ADAMTS3: variants seen among roughly 807,000 people sequenced by gnomAD.
The protein encoded by ADAMTS3 is ADAM metallopeptidase with thrombospondin type 1 motif 3, also known as A disintegrin and metalloproteinase with thrombospondin motifs 3.
A neutral mutation model predicts 129.0 loss-of-function variants in ADAMTS3; 73 were observed. The observed-to-expected ratio is 0.57, with a 90% CI of 0.47 to 0.69. The LOEUF is 0.69. ADAMTS3 is among the 30% of genes least tolerant of loss of function. ADAMTS3 has a pLI of 0.00. For missense variants in ADAMTS3, 1,457 were observed against 1,514.5 expected (o/e 0.96, Z 0.63); for synonymous variants, 477 against 510.8 (o/e 0.93, Z 0.89).
intron 2 of ADAMTS3, among the ~76,000 whole-genome samples, chr4:72,559,911 G>C (rs756720055): frequency 1.9e-4 from 29 of 151,662 alleles, no homozygotes; most frequent in Non-Finnish European, 3.4e-4. Context: ...AAAGAACAAA[G>C]CTGGAGGCAT....
At chr4:72,516,337 A>G (rs879807039) in intron 3 of ADAMTS3, among the ~76,000 whole-genome samples, 7 of 152,082 alleles carry the variant, frequency 4.6e-5, no homozygotes, top group Admixed American at 4.6e-4. Flanking sequence ...TTTGTTCCAT[A>G]TGAACTTTCA....
At chr4:72,360,979 T>C (rs1042803254) in intron 4 of ADAMTS3, among the ~76,000 whole-genome samples, 1 of 152,126 alleles carries the variant, frequency 6.6e-6, no homozygotes, top group Non-Finnish European at 1.5e-5. Flanking sequence ...TGGAAACTGC[T>C]CTACAGTGCT....
In ADAMTS3 at chr4:72,305,915, T is replaced by C; in HGVS notation, c.2260+72A>G. ...ATATGTGTACATATATACATATCTA[T>C]ATTTAGGATTTCTTTGACATTTCAA... is the stretch of plus-strand genomic sequence containing the variant. On this transcript the variant is annotated intron_variant, in intron 16 of 21. Coordinates refer to ENST00000286657, the MANE Select transcript of ADAMTS3 (RefSeq NM_014243.3). 6 of 1,229,696 alleles carry C rather than the reference T, an allele frequency of 4.9e-6. No homozygotes were observed. The South Asian group carries it at 4.9e-5, about 10-fold the overall frequency. 76.2% of individuals were successfully genotyped at this position (1,229,696 alleles called of 1,614,324 possible). A position where few individuals can be genotyped will look rare whatever the true frequency, so the allele number is the denominator to read the frequency against.
At position 72,515,636 on chromosome 4, in the gene ADAMTS3, T is replaced by G. The variant is rs952491967; in HGVS notation, c.504+32842A>C. ...TCTTTTGGCTGCATAAATGTCTTCT[T>G]TTGAGAAGTGTCTGTTCATGTCCTT... On this transcript the variant is annotated intron_variant, in intron 3 of 21. Coordinates refer to ENST00000286657, the MANE Select transcript of ADAMTS3 (RefSeq NM_014243.3). 7.2e-4 allele frequency among the ~76,000 whole-genome samples: 110 copies of G among 152,004 alleles called. 1 individual carries two copies. Among genetic ancestry groups the G allele is most frequent in the Middle Eastern group, 3.4e-3 (1 of 294 alleles).
intron 4 of ADAMTS3, among the ~76,000 whole-genome samples, chr4:72,410,594 T>A (rs1311356213): frequency 1.3e-5 from 2 of 152,110 alleles, no homozygotes; most frequent in Non-Finnish European, 2.9e-5. Flanking sequence ...TTCAGCCACC[T>A]TCCCCCAAAA....
At chr4:72,503,045 A>G (rs1448057943) in intron 3 of ADAMTS3, among the ~76,000 whole-genome samples, 1 of 151,830 alleles carries the variant, frequency 6.6e-6, no homozygotes, top group East Asian at 1.9e-4. Flanking sequence ...TGTTTTCTTG[A>G]TGGAGTCTCA....
At chr4:72,507,870 C>T (rs956389389) in intron 3 of ADAMTS3, among the ~76,000 whole-genome samples, 1 of 152,216 alleles carries the variant, frequency 6.6e-6, no homozygotes, top group Non-Finnish European at 1.5e-5. Context: ...ATCCAGTACA[C>T]AGTCAAATGT....
At position 72,311,085 on chromosome 4, in the gene ADAMTS3, T is replaced by C. The variant is rs558622165; in HGVS notation, c.2018A>G (p.Lys673Arg). 1.9e-6 allele frequency: 3 copies of C among 1,611,960 alleles called. No individual in the cohort carries two copies. Among genetic ancestry groups the C allele is most frequent in the Non-Finnish European group, 2.5e-6 (3 of 1,178,560 alleles). ...TCGCACACATATGCTATATGGATCT[T>C]TGTAAGAACAGTGCGTTCCATCATG... Reference protein sequence around the residue: ...LVHDGTHCSYKDPYSICVRGE... With the variant: ...LVHDGTHCSYRDPYSICVRGE... The change falls in exon 14 of 22, where the codon AAA becomes AGA. Residue 673 changes from lysine (K) to arginine (R), a missense_variant. Transcript: ENST00000286657.
At chr4:72,455,999 T>TTATATATAGTATA (rs1239919922) in intron 3 of ADAMTS3, among the ~76,000 whole-genome samples, 1 of 35,574 alleles carries the variant, frequency 2.8e-5, no homozygotes, top group African/African-American at 1.0e-4. Context: ...TATATATATT[T>TTATATATAGTATA]TACATATAGT....
At chr4:72,298,994 C>T (rs1004656661) in intron 17 of ADAMTS3, among the ~76,000 whole-genome samples, 3 of 150,674 alleles carry the variant, frequency 2.0e-5, no homozygotes, top group Non-Finnish European at 4.4e-5. Flanking sequence ...ATAATTCTAC[C>T]TAACTAGAGA....
At chr4:72,470,292 C>T (rs564309881) in intron 3 of ADAMTS3, among the ~76,000 whole-genome samples, 22 of 150,644 alleles carry the variant, frequency 1.5e-4, no homozygotes, top group Non-Finnish European at 3.2e-4. Context: ...GGCAGATATT[C>T]TAATCACCAC....
At chr4:72,349,815 A>G (rs1720381137) in intron 4 of ADAMTS3, among the ~76,000 whole-genome samples, 1 of 152,056 alleles carries the variant, frequency 6.6e-6, no homozygotes, top group African/African-American at 2.4e-5. Flanking sequence ...ATGGAATTAA[A>G]ATGTATGTTA....
intron 2 of ADAMTS3, among the ~76,000 whole-genome samples, chr4:72,550,051 G>A (rs10938025): frequency 0.13 from 497 of 3,734 alleles, 116 homozygotes; most frequent in Non-Finnish European, 0.17. Context: ...AAGAGGAAGA[G>A]GAAGAGGAAG....
Position 72,313,818 on chromosome 4 carries a change from C to A in ADAMTS3, c.1604G>T (p.Cys535Phe). The change falls in exon 12 of 22, where the codon TGC becomes TTC. Residue 535 changes from cysteine to phenylalanine, a missense_variant. Cys to Phe is a radical substitution (Grantham distance 205). Transcript: ENST00000286657. ...DGTECAAGKW[C>F]YKGHCMWKNA... is the part of the protein sequence containing the mutation. The stretch of plus-strand genomic sequence containing the variant: ...CTTCCACATGCAATGACCCTTATAG[C>A]ACCACTTAGAAAAATGACAAAAGGT... The A allele has an allele frequency of 6.2e-7, 1 of 1,613,596 alleles. No individual in the cohort carries two copies. The highest frequency in any genetic ancestry group is 8.5e-7 in the Non-Finnish European group (1 of 1,179,700).
At chr4:72,402,331 A>T (rs1382780040) in intron 4 of ADAMTS3, among the ~76,000 whole-genome samples, 6 of 152,190 alleles carry the variant, frequency 3.9e-5, no homozygotes, top group African/African-American at 1.4e-4. Context: ...TTTTAATGCC[A>T]ATCTTTACTG....
At chr4:72,478,237 T>C (rs1037680126) in intron 3 of ADAMTS3, among the ~76,000 whole-genome samples, 19 of 152,070 alleles carry the variant, frequency 1.2e-4, no homozygotes, top group African/African-American at 3.4e-4. Context: ...GAGACACAAC[T>C]AAAAAAGAGA....
intron 4 of ADAMTS3, among the ~76,000 whole-genome samples, chr4:72,412,501 T>A (rs1222158723): frequency 6.6e-6 from 1 of 152,048 alleles, no homozygotes; most frequent in African/African-American, 2.4e-5. Context: ...AGGAAGAATT[T>A]GAAAGTTCTG....
chr4:72,353,712 T>C (rs1720502621), intron 4 of ADAMTS3, among the ~76,000 whole-genome samples: 1 of 152,050 alleles, frequency 6.6e-6, no homozygotes, highest in African/African-American at 2.4e-5. Context: ...AATCTTTTCA[T>C]TGAATTCTTT....
chr4:72,355,947 A>G (rs1194872289), intron 4 of ADAMTS3, among the ~76,000 whole-genome samples: 1 of 152,014 alleles, frequency 6.6e-6, no homozygotes, highest in Non-Finnish European at 1.5e-5. Context: ...TGGACACTCC[A>G]TGATACTGCA....
Sources: allele counts gnomAD v4.1 joint callset (sites outside exome capture counted in the v4.1 genomes callset), GRCh38; gene constraint gnomAD v4.1.1; transcripts MANE v1.5; gene names NCBI Gene and HGNC (gene_info 2026-07-23, HGNC 2026-07-21).